SPEF2: variants seen among roughly 807,000 people sequenced by gnomAD.
The protein encoded by SPEF2 is sperm flagella and cilia-associated protein 2.
SPEF2 carries 187 observed loss-of-function variants against 224.6 expected under a neutral mutation model. That is an observed-to-expected ratio of 0.83 (90% CI 0.74 to 0.94). The LOEUF is 0.94. Ranked by LOEUF, SPEF2 falls within the 40% of genes least tolerant of loss-of-function variation. The pLI is 0.00. For synonymous variants in SPEF2, 715 were observed against 707.3 expected (o/e 1.01, Z -0.17); for missense variants, 2,170 against 2,135.6 (o/e 1.02, Z -0.32).
chr5:35,677,228 A>G (rs1295196560), intron 10 of SPEF2, among the ~76,000 whole-genome samples: 1 of 152,196 alleles, frequency 6.6e-6, no homozygotes, highest in Admixed American at 6.5e-5. Flanking sequence ...ATAGCAGTAG[A>G]CAGGTGAATT....
intron 23 of SPEF2, among the ~76,000 whole-genome samples, chr5:35,751,024 CGTATATATATACACATAT>C (rs1156432009): frequency 5.6e-4 from 48 of 85,554 alleles, no homozygotes; most frequent in South Asian, 1.6e-3. Flanking sequence ...TATATATATA[CGTATATATATACACATAT>C]GTATATATAT....
intron 30 of SPEF2, chr5:35,788,465 G>A (rs900438464): frequency 1.0e-5 from 7 of 702,648 alleles, no homozygotes; most frequent in Non-Finnish European, 1.6e-5. Flanking sequence ...CATCAGTGAT[G>A]GAATCATAGA....
chr5:35,759,805 A>C, intron 25 of SPEF2, 86 bp downstream of exon 25: 4 of 1,285,556 alleles, frequency 3.1e-6, no homozygotes, highest in Non-Finnish European at 3.1e-6. Flanking sequence ...TAAAAATCAC[A>C]CTCCTTTATC....
At chr5:35,632,136 G>A (rs7716240) in intron 2 of SPEF2, among the ~76,000 whole-genome samples, 2,730 of 152,092 alleles carry the variant, frequency 0.018, 82 homozygotes, top group African/African-American at 0.062. Context: ...CCACATTTTC[G>A]GGTATCTTTA....
intron 20 of SPEF2, among the ~76,000 whole-genome samples, chr5:35,722,106 C>A (rs79990923): frequency 6.6e-6 from 1 of 150,778 alleles, no homozygotes; most frequent in Non-Finnish European, 1.5e-5. Context: ...AAAAAAAAAA[C>A]AGTTTAAAAA....
At position 35,641,640 on chromosome 5, in the gene SPEF2, CAA is replaced by C. The variant is rs1220401248; in HGVS notation, c.373_374del (p.Asn125PhefsTer9). The C allele has an allele frequency of 1.2e-6, 2 of 1,612,878 alleles. No homozygotes were observed. Among genetic ancestry groups the C allele is most frequent in the Non-Finnish European group, 1.7e-6 (2 of 1,179,448 alleles). On this transcript the variant is annotated frameshift_variant, in exon 3 of 37. Transcript: ENST00000356031. LOFTEE classifies it high-confidence loss of function. The stretch of plus-strand genomic sequence containing the variant: ...GAGATGCAAACCATGCAACGTCTGA[CAA>C]ATTTAAGACTTCAAAACATGAAAAG...
In SPEF2 at chr5:35,773,998, A is replaced by G; in HGVS notation, c.4055A>G (p.His1352Arg). Residue 1352 changes from histidine (H) to arginine (R), a missense_variant, in exon 28 of 37, where the codon CAC (histidine) becomes CGC (arginine). Coordinates refer to ENST00000356031, the MANE Select transcript of SPEF2 (RefSeq NM_024867.4). ...NELRVKIKEE[H>R]LAALQFEEIA... ...CTGAGGGTCAAAATAAAAGAAGAAC[A>G]CCTTGCTGCCTTGCAATTTGAAGGT... The G allele has an allele frequency of 1.2e-6, 2 of 1,612,838 alleles. No homozygotes were observed. The highest frequency in any genetic ancestry group is 1.1e-5 in the South Asian group (1 of 90,974).
At position 35,691,264 on chromosome 5, in the gene SPEF2, T is replaced by G; in HGVS notation, c.1744+8T>G. ...TAAGGTCTCTACAAAAAGGTAGAATTTCTTCTCCTACTCTCCCTGCCATTA... is the reference window on the plus strand; with the variant it reads ...TAAGGTCTCTACAAAAAGGTAGAATGTCTTCTCCTACTCTCCCTGCCATTA... On this transcript the variant is annotated splice_region_variant and intron_variant, in intron 11 of 36. Transcript: ENST00000356031. 1.2e-6 allele frequency: 2 copies of G among 1,608,784 alleles called. No homozygotes were observed. The highest frequency in any genetic ancestry group is 1.7e-6 in the Non-Finnish European group (2 of 1,175,622).
intron 34 of SPEF2, among the ~76,000 whole-genome samples, chr5:35,803,713 C>T (rs1352529717): frequency 2.0e-5 from 3 of 152,212 alleles, no homozygotes; most frequent in African/African-American, 4.8e-5. Flanking sequence ...CCCAGGAAGC[C>T]ATAATGCTCA....
rs1282672267 is a variant in SPEF2 at position 35,774,039 on chromosome 5, T to TAA, written c.4078+19_4078+20dup. ...ATTTGAAGGTAGCGATTGAAACGAC[T>TAA]AAGATGATGCTTTTCAGTAGAAAGG... is the stretch of plus-strand genomic sequence containing the variant. On this transcript the variant is annotated intron_variant, in intron 28 of 36. Transcript: ENST00000356031. The TAA allele has an allele frequency of 1.2e-5, 19 of 1,608,840 alleles. No individual in the cohort carries two copies. The highest frequency in any genetic ancestry group is 1.6e-5 in the Non-Finnish European group (19 of 1,177,888).
At chr5:35,688,364 G>C (rs1030483084) in intron 10 of SPEF2, among the ~76,000 whole-genome samples, 2 of 152,030 alleles carry the variant, frequency 1.3e-5, no homozygotes, top group African/African-American at 4.8e-5. Flanking sequence ...AGTTTATTTT[G>C]ATTTACCATT....
At chr5:35,717,612 GAAAAAAAGAGGA>G (rs1480163754) in intron 20 of SPEF2, among the ~76,000 whole-genome samples, 1 of 151,982 alleles carries the variant, frequency 6.6e-6, no homozygotes, top group Non-Finnish European at 1.5e-5. Flanking sequence ...GGTGAAAAGG[GAAAAAAAGAGGA>G]AAACGGACTC....
intron 16 of SPEF2, among the ~76,000 whole-genome samples, chr5:35,704,149 C>T (rs748069237): frequency 1.3e-5 from 2 of 152,074 alleles, no homozygotes; most frequent in African/African-American, 2.4e-5. Flanking sequence ...TATTGTATTG[C>T]ATATAATTTC....
At chr5:35,731,923 G>C (rs1266345876) in intron 21 of SPEF2, among the ~76,000 whole-genome samples, 1 of 152,152 alleles carries the variant, frequency 6.6e-6, no homozygotes, top group Non-Finnish European at 1.5e-5. Context: ...AAATCACAGA[G>C]GGTACAGGGG....
At chr5:35,746,689 C>T (rs769780165) in intron 23 of SPEF2, among the ~76,000 whole-genome samples, 6 of 151,968 alleles carry the variant, frequency 3.9e-5, no homozygotes, top group East Asian at 1.9e-4. Context: ...ATGACCAAAC[C>T]GAACAATAAT....
intron 8 of SPEF2, among the ~76,000 whole-genome samples, chr5:35,659,808 G>A (rs1749463194): frequency 1.3e-5 from 2 of 150,706 alleles, no homozygotes; most frequent in African/African-American, 4.9e-5. Flanking sequence ...GTTATTCTAG[G>A]TAAATATCCT....
chr5:35,621,767 C>A (rs970885457), intron 1 of SPEF2, among the ~76,000 whole-genome samples: 1 of 152,040 alleles, frequency 6.6e-6, no homozygotes, highest in African/African-American at 2.4e-5. Context: ...CCTTATGGGG[C>A]TAAATAATGG....
chr5:35,702,389 G>A, intron 16 of SPEF2: 2 of 446,852 alleles, frequency 4.5e-6, no homozygotes, highest in Non-Finnish European at 9.0e-6. Context: ...TGGCCATTGT[G>A]AGAGTAAAAG....
intron 26 of SPEF2, among the ~76,000 whole-genome samples, chr5:35,770,981 T>C (rs578258184): frequency 3.9e-5 from 6 of 152,026 alleles, no homozygotes; most frequent in Non-Finnish European, 7.4e-5. Context: ...AGTGCTCAAG[T>C]AGAATAGGAG....
Sources: allele counts gnomAD v4.1 joint callset (sites outside exome capture counted in the v4.1 genomes callset), GRCh38; gene constraint gnomAD v4.1.1; transcripts MANE v1.5; gene names NCBI Gene and HGNC (gene_info 2026-07-23, HGNC 2026-07-21).